The following TYW1B variants were observed in gnomAD, a reference collection of about 807,000 sequenced individuals.
TYW1B encodes the protein tRNA-yW synthesizing protein 1 homolog B.
In TYW1B, 73 loss-of-function variants were observed where a neutral mutation model predicts 86.9. The observed-to-expected ratio is 0.84, with a 90% CI of 0.70 to 1.02. TYW1B has a LOEUF of 1.02. TYW1B is among the 50% of genes least tolerant of loss of function. The pLI, the probability that TYW1B is intolerant of heterozygous loss-of-function variation, is 0.00. For missense variants in TYW1B, 637 were observed against 827.4 expected, an observed-to-expected ratio of 0.77 and a Z score of 2.82; for synonymous variants, 248 against 292.8, an observed-to-expected ratio of 0.85 and a Z score of 1.56.
At chr7:72,774,587 T>C (rs1429549606) in intron 7 of TYW1B, among the ~76,000 whole-genome samples, 5 of 151,712 alleles carry the variant, frequency 3.3e-5, no homozygotes, top group Non-Finnish European at 5.9e-5. Flanking sequence ...CCAGGCGTGG[T>C]AGTGGCAGCC....
intron 7 of TYW1B, among the ~76,000 whole-genome samples, chr7:72,761,710 G>T (rs1042062591): frequency 6.6e-6 from 1 of 151,750 alleles, no homozygotes; most frequent in Non-Finnish European, 1.5e-5. Flanking sequence ...ATAGAATACC[G>T]AAAGGGAGAG....
At chr7:72,758,245 G>A (rs1395673955) in intron 7 of TYW1B, among the ~76,000 whole-genome samples, 1 of 151,974 alleles carries the variant, frequency 6.6e-6, no homozygotes, top group Non-Finnish European at 1.5e-5. Context: ...GCTGGGTGTA[G>A]TAGGTACAAT....
chr7:72,637,503 T>C (rs1812698934), intron 11 of TYW1B, among the ~76,000 whole-genome samples: 1 of 152,152 alleles, frequency 6.6e-6, no homozygotes, highest in African/African-American at 2.4e-5. Context: ...ACATTACTTA[T>C]TTGTACCATC....
In TYW1B at chr7:72,678,862, C is replaced by T. The variant is rs146312039; in HGVS notation, c.1506+15825G>A. Among the ~76,000 whole-genome samples the T allele has an allele frequency of 1.8e-3, 268 of 151,972 alleles. 1 individual carries two copies. The highest frequency in any genetic ancestry group is 6.2e-3 in the African/African-American group (258 of 41,450). ...GGACAATCCCAGCACTCTTGAAAGC[C>T]AAGGTAGGAGGATCACTTGAGGCCA... On this transcript the variant is annotated intron_variant, in intron 11 of 13. Transcript: ENST00000620995.
At chr7:72,613,714 T>G (rs1263164878) in intron 13 of TYW1B, among the ~76,000 whole-genome samples, 1 of 152,080 alleles carries the variant, frequency 6.6e-6, no homozygotes, top group East Asian at 1.9e-4. Flanking sequence ...GCCGGGCCCA[T>G]ATTTTCTTTA....
intron 11 of TYW1B, among the ~76,000 whole-genome samples, chr7:72,633,506 G>A (rs1812592960): frequency 6.6e-6 from 1 of 152,198 alleles, no homozygotes; most frequent in South Asian, 2.1e-4. Context: ...CACAAAACAT[G>A]AATGTATAAC....
At chr7:72,768,246 A>C (rs1554468908) in intron 7 of TYW1B, among the ~76,000 whole-genome samples, 1 of 151,990 alleles carries the variant, frequency 6.6e-6, no homozygotes, top group Non-Finnish European at 1.5e-5. Flanking sequence ...ACCTCAAAAA[A>C]AAAAAAAATT....
intron 13 of TYW1B, among the ~76,000 whole-genome samples, chr7:72,592,211 G>T (rs1811414088): frequency 6.6e-6 from 1 of 150,806 alleles, no homozygotes; most frequent in Admixed American, 6.6e-5. Context: ...ATGTTTTGGG[G>T]CACACAATGT....
intron 2 of TYW1B, among the ~76,000 whole-genome samples, chr7:72,823,968 T>A (rs1459043605): frequency 8.6e-5 from 13 of 151,866 alleles, no homozygotes; most frequent in South Asian, 2.1e-4. Context: ...CATTTTTTTT[T>A]AAAAAGGTAA....
intron 13 of TYW1B, among the ~76,000 whole-genome samples, chr7:72,597,423 CAG>C (rs1233687681): frequency 1.3e-5 from 2 of 151,874 alleles, no homozygotes; most frequent in African/African-American, 4.9e-5. Flanking sequence ...AGAAAAATAA[CAG>C]AGTCATTTCA....
At chr7:72,673,474 T>C (rs1396365250) in intron 11 of TYW1B, among the ~76,000 whole-genome samples, 51 of 152,210 alleles carry the variant, frequency 3.4e-4, no homozygotes, top group African/African-American at 1.2e-3. Context: ...CAGGTCATTA[T>C]GCTAAGTGAT....
In TYW1B at chr7:72,713,623, G is replaced by A. The variant is rs782211547; in HGVS notation, c.1368C>T (p.Ile456=). 1 of 1,612,884 alleles carries A rather than the reference G, an allele frequency of 6.2e-7. No individual in the cohort carries two copies. The highest frequency in any genetic ancestry group is 8.5e-7 in the Non-Finnish European group (1 of 1,179,478). The change falls in exon 10 of 14, where the codon ATC becomes ATT. Residue 456 remains isoleucine, a splice_region_variant and synonymous_variant. Transcript: ENST00000620995. ...TCTCCATAGGCTGGAGAACTCACCT[G>A]ATTTCCGCAGGAAATTGTGCATTTG... is the stretch of plus-strand genomic sequence containing the variant. The part of the protein sequence containing the change: ...LVTNAQFPAE[I]RNLEPVTQLY...
chr7:72,761,646 T>G lies in TYW1B; in HGVS notation c.964+15770A>C, dbSNP rs143853612. ...TTAAAAATTTTTTAAAGAATAATTT[T>G]GTCTAACGTAGAGGTTATTTAAAGG... On this transcript the variant is annotated intron_variant, in intron 7 of 13. Transcript: ENST00000620995. Among the ~76,000 whole-genome samples, 21 of 152,018 alleles carry G rather than the reference T, an allele frequency of 1.4e-4. No individual in the cohort carries two copies. In the East Asian group the frequency reaches 4.1e-3, roughly 29 times the overall value.
chr7:72,819,282 G>A (rs1554480004), intron 2 of TYW1B, among the ~76,000 whole-genome samples: 1 of 152,140 alleles, frequency 6.6e-6, no homozygotes, highest in African/African-American at 2.4e-5. Context: ...TTTAAGCAGA[G>A]GGATGACATG....
chr7:72,620,586 T>C (rs1812190434), intron 12 of TYW1B, among the ~76,000 whole-genome samples: 1 of 152,082 alleles, frequency 6.6e-6, no homozygotes, highest in African/African-American at 2.4e-5. Flanking sequence ...CAGAGCCCAA[T>C]GGCTCTGTCT....
chr7:72,748,376 T>G (rs1787432838), intron 7 of TYW1B, among the ~76,000 whole-genome samples: 1 of 152,150 alleles, frequency 6.6e-6, no homozygotes, highest in Non-Finnish European at 1.5e-5. Context: ...CTTGAGATTT[T>G]CTACATAACA....
chr7:72,626,456 C>T (rs554380193), intron 12 of TYW1B, among the ~76,000 whole-genome samples: 10 of 152,176 alleles, frequency 6.6e-5, no homozygotes, highest in East Asian at 1.9e-4. Flanking sequence ...CCTGAAACTT[C>T]GAGCTTATAA....
intron 2 of TYW1B, chr7:72,823,302 C>T (rs1788865943): frequency 6.6e-6 from 1 of 151,810 alleles, no homozygotes; most frequent in Non-Finnish European, 1.5e-5. Context: ...AGCCACCACG[C>T]CGGGCCAAGA....
intron 8 of TYW1B, among the ~76,000 whole-genome samples, chr7:72,735,598 A>G (rs1471680331): frequency 6.7e-6 from 1 of 149,432 alleles, no homozygotes; most frequent in Non-Finnish European, 1.5e-5. Context: ...GGCCGAGTGC[A>G]GTGGCTCAAG....
Sources: gnomAD v4.1 joint callset for allele counts (sites outside exome capture counted in the v4.1 genomes callset) on GRCh38, gnomAD v4.1.1 for gene constraint, MANE v1.5 for transcripts, NCBI Gene and HGNC (gene_info 2026-07-23, HGNC 2026-07-21) for gene names.